The following BRD4 variants were observed in gnomAD, a reference collection of about 807,000 sequenced individuals.
BRD4 encodes the protein bromodomain-containing protein 4.
Under a neutral mutation model 142.1 loss-of-function variants are expected in BRD4, and 16 were observed. The ratio of observed to expected loss-of-function variants is 0.11; its 90% CI spans 0.08 to 0.17. The LOEUF is 0.17. Ranked by LOEUF, BRD4 falls within the 10% of genes least tolerant of loss-of-function variation. The pLI is 1.00. For synonymous variants in BRD4, 833 were observed against 707.5 expected (o/e 1.18, Z -2.82); for missense variants, 1,424 against 1,810.9 (o/e 0.79, Z 3.88).
At chr19:15,313,441 G>A (rs1362190562) in intron 1 of BRD4, among the ~76,000 whole-genome samples, 2 of 150,742 alleles carry the variant, frequency 1.3e-5, no homozygotes, top group Non-Finnish European at 2.9e-5. Flanking sequence ...GGGAGGCCGA[G>A]GCGGGTGGAT....
At position 15,301,868 on chromosome 19, in the gene BRD4, A is replaced by G. The variant is rs868292905; in HGVS notation, c.-34-28735T>C. ...CAGAGCGAGACTCCGTCTCAAAGAA[A>G]AAAAAAAAAAAAAAAAAAAAAGTTG... On this transcript the variant is annotated intron_variant, in intron 1 of 19. Coordinates refer to ENST00000679869, the MANE Select transcript of BRD4 (RefSeq NM_001379291.1). 5.5e-3 allele frequency among the ~76,000 whole-genome samples: 791 copies of G among 142,836 alleles called. 3 individuals carry two copies. The highest frequency in any genetic ancestry group is 0.019 in the African/African-American group (753 of 40,312). 93.7% of individuals were successfully genotyped at this position (142,836 alleles called of 152,430 possible).
Position 15,286,039 on chromosome 19 carries a change from C to G in BRD4, c.-34-12906G>C, listed in dbSNP as rs112216411. Among the ~76,000 whole-genome samples the G allele has an allele frequency of 3.9e-3, 590 of 152,288 alleles. 6 individuals are homozygous for G. The highest frequency in any genetic ancestry group is 0.013 in the African/African-American group (555 of 41,546). On this transcript the variant is annotated intron_variant, in intron 1 of 19. Transcript: ENST00000679869. Reference sequence around the variant, plus strand: ...GATGCCATGCTAGGCTTGCCTCGTCCAGGGAGGGAGCCACCTCAAGGAGGT... The same window carrying G: ...GATGCCATGCTAGGCTTGCCTCGTCGAGGGAGGGAGCCACCTCAAGGAGGT...
intron 11 of BRD4, chr19:15,253,095 A>G (rs1350945209): frequency 2.4e-5 from 6 of 254,834 alleles, no homozygotes; most frequent in Non-Finnish European, 3.8e-5. Context: ...CAGGTTTCCC[A>G]CTGTGGATCC....
intron 2 of BRD4, 132 bp downstream of exon 2, chr19:15,272,683 T>C: frequency 1.2e-6 from 1 of 805,348 alleles, no homozygotes; most frequent in Non-Finnish European, 1.9e-6. Context: ...AACCACTCAC[T>C]CAAGGGCCCT....
intron 6 of BRD4, 66 bp from the exon 7 acceptor site, chr19:15,263,614 G>A (rs888438975): frequency 6.0e-5 from 96 of 1,594,710 alleles, no homozygotes; most frequent in Non-Finnish European, 6.4e-5. Flanking sequence ...GTGGCTGGCA[G>A]CAGACGAAAG....
intron 1 of BRD4, among the ~76,000 whole-genome samples, chr19:15,328,495 CTAA>C (rs1338442584): frequency 6.6e-6 from 1 of 152,164 alleles, no homozygotes; most frequent in Admixed American, 6.5e-5. Flanking sequence ...GCTGCTCGGA[CTAA>C]TAAGTTTACT....
chr19:15,257,951 T>C (rs558793010), intron 7 of BRD4, among the ~76,000 whole-genome samples: 2 of 152,262 alleles, frequency 1.3e-5, no homozygotes, highest in East Asian at 1.9e-4. Flanking sequence ...ACAGCAGCCA[T>C]GCATGGACAC....
At chr19:15,260,676 C>G (rs1041799123) in intron 7 of BRD4, among the ~76,000 whole-genome samples, 5 of 152,072 alleles carry the variant, frequency 3.3e-5, no homozygotes, top group African/African-American at 1.2e-4. Flanking sequence ...AGTCCGGCAC[C>G]TGGAGCCCGT....
chr19:15,322,788 A>G (rs1408277869), intron 1 of BRD4, among the ~76,000 whole-genome samples: 1 of 149,532 alleles, frequency 6.7e-6, no homozygotes, highest in African/African-American at 2.5e-5. Context: ...AATAGCGTGA[A>G]CCTGGGAGGC....
chr19:15,267,835 C>CA (rs1218769389), intron 3 of BRD4, among the ~76,000 whole-genome samples: 4 of 152,174 alleles, frequency 2.6e-5, no homozygotes, highest in African/African-American at 9.7e-5. Flanking sequence ...AAGCATCTAC[C>CA]AAGCTCAGCC....
Position 15,245,017 on chromosome 19 carries a change from G to C in BRD4, c.2159-255C>G, listed in dbSNP as rs1008261876. On this transcript the variant is annotated intron_variant, in intron 11 of 19. Coordinates refer to ENST00000679869, the MANE Select transcript of BRD4 (RefSeq NM_001379291.1). ...AAAAAGCCTCCCCTGCCAAGCTTCAGATCACCACGGTTGCACCGGAAGCTG... is the reference window on the plus strand; with the variant it reads ...AAAAAGCCTCCCCTGCCAAGCTTCACATCACCACGGTTGCACCGGAAGCTG... The C allele has an allele frequency of 8.3e-5, 52 of 623,450 alleles. 1 individual carries two copies. Among genetic ancestry groups the C allele is most frequent in the Admixed American group, 8.1e-4 (26 of 32,096 alleles). 38.6% of individuals were successfully genotyped at this position (623,450 alleles called of 1,614,324 possible).
chr19:15,303,618 G>C (rs1344221333), intron 1 of BRD4, among the ~76,000 whole-genome samples: 4 of 152,154 alleles, frequency 2.6e-5, no homozygotes, highest in African/African-American at 9.7e-5. Flanking sequence ...AAGCCACGAA[G>C]AAGGAAAAAG....
Position 15,243,076 on chromosome 19 carries a change from T to C in BRD4, c.2993A>G (p.His998Arg), listed in dbSNP as rs1401087217. Residue 998 changes from histidine (H) to arginine (R), a missense_variant, in exon 14 of 20, where the codon CAC becomes CGC. His to Arg is a conservative substitution (Grantham distance 29). Around this residue, in one of 16 missense-constraint regions of BRD4, gnomAD observed 598 missense variants for 647.8 expected, o/e 0.92. Transcript: ENST00000679869. ...QQHQPPPRPV[H>R]LQPMQFSTHI... is the part of the protein sequence containing the mutation. ...GGTGGAAAACTGCATGGGCTGCAAG[T>C]GCACGGGCCGTGGAGGGGGCTGATG... 2 of 1,497,136 alleles carry C rather than the reference T, an allele frequency of 1.3e-6. No homozygotes were observed. The highest frequency in any genetic ancestry group is 1.8e-6 in the Non-Finnish European group (2 of 1,124,034). 92.7% of individuals were successfully genotyped at this position (1,497,136 alleles called of 1,614,324 possible).
At chr19:15,248,278 C>G (rs1474316385) in intron 11 of BRD4, 3 of 216,622 alleles carry the variant, frequency 1.4e-5, no homozygotes, top group Non-Finnish European at 2.8e-5. Flanking sequence ...CCTGCCCCAA[C>G]CCCAGGGGCT....
Position 15,244,461 on chromosome 19 carries a change from G to C in BRD4, c.2351C>G (p.Ser784Cys). 6.5e-7 allele frequency: 1 copy of C among 1,542,544 alleles called. No individual in the cohort carries two copies. Among genetic ancestry groups the C allele is most frequent in the Non-Finnish European group, 8.7e-7 (1 of 1,151,886 alleles). Residue 784 changes from serine (S) to cysteine (C), a missense_variant, in exon 13 of 20, where the codon TCC becomes TGC. Physicochemically the swap from Ser to Cys is moderately radical, Grantham distance 112. Transcript: ENST00000679869. ...CGCCGGGGCTGCCTGCTGCGGCATG[G>C]AGGGTGGGGGAGGCGGGGGTGGCGG... Reference protein sequence around the residue: ...QQPPPPPPPPSMPQQAAPAMK... With the variant: ...QQPPPPPPPPCMPQQAAPAMK...
At chr19:15,247,749 G>A (rs2047303708) in intron 11 of BRD4, 1 of 232,970 alleles carries the variant, frequency 4.3e-6, no homozygotes. Context: ...ACTGCAACAG[G>A]AACACATCAG....
At chr19:15,305,691 T>C (rs1287444739) in intron 1 of BRD4, among the ~76,000 whole-genome samples, 1 of 152,232 alleles carries the variant, frequency 6.6e-6, no homozygotes, top group Non-Finnish European at 1.5e-5. Flanking sequence ...TAATGAGCAG[T>C]AGCTTCAACT....
chr19:15,252,271 G>A (rs1428187979), intron 11 of BRD4, among the ~76,000 whole-genome samples: 2 of 152,216 alleles, frequency 1.3e-5, no homozygotes, highest in Non-Finnish European at 1.5e-5. Context: ...CTTGTCTTGT[G>A]AGGGCTAAAG....
At chr19:15,245,043 A>G in intron 11 of BRD4, 1 of 551,414 alleles carries the variant, frequency 1.8e-6, no homozygotes, top group South Asian at 2.1e-5. Flanking sequence ...CCGGAAGCTG[A>G]GAGCTTGCCC....
Sources: allele counts gnomAD v4.1 joint callset (sites outside exome capture counted in the v4.1 genomes callset), GRCh38; gene constraint gnomAD v4.1.1; regional missense constraint gnomAD v4.1.1; transcripts MANE v1.5; gene names NCBI Gene and HGNC (gene_info 2026-07-23, HGNC 2026-07-21).